PARD3B: variants seen among roughly 807,000 people sequenced by gnomAD.
The protein encoded by PARD3B is partitioning defective 3 homolog B.
A neutral mutation model predicts 130.2 loss-of-function variants in PARD3B; 103 were observed. The observed-to-expected ratio is 0.79, with a 90% confidence interval of 0.67 to 0.93. The LOEUF is 0.93. Ranked by LOEUF, PARD3B falls within the 40% of genes least tolerant of loss-of-function variation. The pLI, the probability that PARD3B is intolerant of heterozygous loss-of-function variation, is 0.00. For synonymous variants in PARD3B, 583 were observed against 553.2 expected (o/e 1.05, Z -0.76); for missense variants, 1,609 against 1,499.2 (o/e 1.07, Z -1.21).
At chr2:205,344,014 T>G (rs1167538060) in intron 18 of PARD3B, among the ~76,000 whole-genome samples, 1 of 152,158 alleles carries the variant, frequency 6.6e-6, no homozygotes, top group South Asian at 2.1e-4. Context: ...GGAGGCTATT[T>G]TCTTAGTGAC....
At position 204,643,115 on chromosome 2, in the gene PARD3B, C is replaced by CAAAAAAAAAAAAAAA. The variant is rs71029202; in HGVS notation, c.121-43059_121-43045dup. 6.4e-3 allele frequency among the ~76,000 whole-genome samples: 205 copies of CAAAAAAAAAAAAAAA among 31,800 alleles called. 38 individuals carry two copies. Among genetic ancestry groups the CAAAAAAAAAAAAAAA allele is most frequent in the African/African-American group, 0.017 (176 of 10,180 alleles). The allele number at this position is 31,800 out of a possible 152,430, so 20.9% of individuals were successfully genotyped here. The stretch of plus-strand genomic sequence containing the variant: ...GGCGACAGAGGGAGACTCTGTCTCA[C>CAAAAAAAAAAAAAAA]AAAAAAAAAAAAAAAAAAAAATGTT... On this transcript the variant is annotated intron_variant, in intron 1 of 22. Transcript: ENST00000406610.
chr2:205,331,404 G>T (rs1250238768), intron 18 of PARD3B, among the ~76,000 whole-genome samples: 1 of 152,028 alleles, frequency 6.6e-6, no homozygotes, highest in Non-Finnish European at 1.5e-5. Flanking sequence ...TAAGCCAGAA[G>T]TTCTCCTCAC....
intron 1 of PARD3B, among the ~76,000 whole-genome samples, chr2:204,620,033 GCT>G (rs999155762): frequency 1.3e-5 from 2 of 151,936 alleles, no homozygotes; most frequent in African/African-American, 4.8e-5. Flanking sequence ...ATGGAATCTC[GCT>G]CTGTCACCCA....
chr2:205,451,880 T>A (rs1413755626), intron 20 of PARD3B, among the ~76,000 whole-genome samples: 1 of 152,152 alleles, frequency 6.6e-6, no homozygotes, highest in Non-Finnish European at 1.5e-5. Flanking sequence ...TTGACTAGAG[T>A]CACCCTGTTG....
intron 10 of PARD3B, among the ~76,000 whole-genome samples, chr2:205,135,633 G>A (rs1023350562): frequency 6.8e-6 from 1 of 146,388 alleles, no homozygotes; most frequent in African/African-American, 2.6e-5. Context: ...ATAACAATCT[G>A]TTGCTACTTA....
chr2:205,504,064 A>G lies in PARD3B; in HGVS notation c.3180+4033A>G, dbSNP rs142099908. ...TGCTGAAGTTGCCTATCAGCTTAAGAAGATTTTGGGCTGAAACGATGCCAC... is the reference window on the plus strand; with the variant it reads ...TGCTGAAGTTGCCTATCAGCTTAAGGAGATTTTGGGCTGAAACGATGCCAC... On this transcript the variant is annotated intron_variant, in intron 21 of 22. Transcript: ENST00000406610. 1.9e-3 allele frequency among the ~76,000 whole-genome samples: 295 copies of G among 152,238 alleles called. 2 individuals are homozygous for G. The highest frequency in any genetic ancestry group is 6.6e-3 in the African/African-American group (275 of 41,552).
intron 4 of PARD3B, among the ~76,000 whole-genome samples, chr2:205,058,603 T>C (rs1699878236): frequency 6.6e-6 from 1 of 151,998 alleles, no homozygotes; most frequent in Admixed American, 6.6e-5. Context: ...CCAACACTTG[T>C]TGGTTTCTGT....
intron 16 of PARD3B, among the ~76,000 whole-genome samples, chr2:205,262,057 T>C (rs2040334756): frequency 6.6e-6 from 1 of 152,148 alleles, no homozygotes; most frequent in Non-Finnish European, 1.5e-5. Context: ...ATTTTTGGCT[T>C]TTCATCTTTC....
chr2:205,082,545 G>T (rs1230047767), intron 4 of PARD3B, among the ~76,000 whole-genome samples: 2 of 152,092 alleles, frequency 1.3e-5, no homozygotes, highest in African/African-American at 4.8e-5. Context: ...AAGCAAAACT[G>T]CAGATAAGAG....
rs1432313397 is a variant in PARD3B at position 205,562,234 on chromosome 2, C to T, written c.3260+8831C>T. Among the ~76,000 whole-genome samples the T allele has an allele frequency of 6.6e-6, 1 of 152,092 alleles. No homozygotes were observed. The highest frequency in any genetic ancestry group is 1.5e-5 in the Non-Finnish European group (1 of 68,008). On this transcript the variant is annotated intron_variant, in intron 22 of 22. Coordinates refer to ENST00000406610, the MANE Select transcript of PARD3B (RefSeq NM_001302769.2). The surrounding 1 kb of genome is among the most constrained non-coding windows in gnomAD (Gnocchi z 5.4). The stretch of plus-strand genomic sequence containing the variant: ...CATCATTTCCTCGTAGCCAATATAT[C>T]CTTGATGCCAGTTAGAATATTTGAT...
chr2:205,256,034 T>C (rs1314594194), intron 16 of PARD3B, among the ~76,000 whole-genome samples: 1 of 152,136 alleles, frequency 6.6e-6, no homozygotes, highest in East Asian at 1.9e-4. Flanking sequence ...ATTCAAGAGC[T>C]CTTGTTCATC....
intron 2 of PARD3B, among the ~76,000 whole-genome samples, chr2:204,792,833 A>G (rs2042243539): frequency 1.3e-5 from 2 of 152,084 alleles, no homozygotes; most frequent in African/African-American, 4.8e-5. Context: ...TCTTCTGCGC[A>G]AATTGCTTGA....
chr2:205,235,690 C>A (rs189866353), intron 15 of PARD3B, among the ~76,000 whole-genome samples: 2 of 152,292 alleles, frequency 1.3e-5, no homozygotes, highest in East Asian at 3.9e-4. Context: ...CACAAGATTT[C>A]ATCACACTAC....
At chr2:204,854,323 T>C (rs779882710) in intron 2 of PARD3B, among the ~76,000 whole-genome samples, 1 of 151,984 alleles carries the variant, frequency 6.6e-6, no homozygotes, top group East Asian at 1.9e-4. Flanking sequence ...GGAAGATGGA[T>C]AGGTGAGGTA....
chr2:204,858,499 T>TAAA (rs554680233), intron 2 of PARD3B, among the ~76,000 whole-genome samples: 1 of 117,134 alleles, frequency 8.5e-6, no homozygotes, highest in Non-Finnish European at 1.8e-5. Flanking sequence ...ATGTGGAATC[T>TAAA]AAAAAAAAAA....
chr2:204,904,875 T>C (rs946806223), intron 2 of PARD3B, among the ~76,000 whole-genome samples: 15 of 152,226 alleles, frequency 9.9e-5, no homozygotes, highest in African/African-American at 3.1e-4. Context: ...ACATATGTGA[T>C]GTTAAAATCT....
chr2:205,556,688 C>T (rs569508688), intron 22 of PARD3B, among the ~76,000 whole-genome samples: 12 of 152,200 alleles, frequency 7.9e-5, no homozygotes, highest in East Asian at 1.9e-4. Flanking sequence ...AATACAACCT[C>T]GTTAGTAAAC....
In PARD3B at chr2:204,687,893, T is replaced by C. The variant is rs566626868; in HGVS notation, c.222+1611T>C. On this transcript the variant is annotated intron_variant, in intron 2 of 22. Transcript: ENST00000406610. ...GAGAAGAAAATGTCTTACCCCAGCT[T>C]CATCCAATACCTCATTACTAGAAGG... 6.6e-5 allele frequency among the ~76,000 whole-genome samples: 10 copies of C among 152,326 alleles called. No homozygotes were observed. In the South Asian group the frequency reaches 2.1e-3, roughly 32 times the overall value.
chr2:205,529,144 A>C (rs1168845219), intron 21 of PARD3B, among the ~76,000 whole-genome samples: 1 of 152,230 alleles, frequency 6.6e-6, no homozygotes, highest in African/African-American at 2.4e-5. Context: ...TGTTTATCAG[A>C]ACTTCTCCAG....
Sources: allele counts gnomAD v4.1 joint callset (sites outside exome capture counted in the v4.1 genomes callset), GRCh38; gene constraint gnomAD v4.1.1; non-coding constraint Gnocchi (gnomAD v3.1); transcripts MANE v1.5; gene names NCBI Gene and HGNC (gene_info 2026-07-23, HGNC 2026-07-21).